The following ZNF773 variants were observed in gnomAD, a reference collection of about 807,000 sequenced individuals.
ZNF773 encodes the protein zinc finger protein 773.
In ZNF773, 11 loss-of-function variants were observed where a neutral mutation model predicts 12.8. The observed-to-expected ratio is 0.86, with a 90% CI of 0.54 to 1.42. The LOEUF is 1.42. Ranked by LOEUF, ZNF773 falls within the 40% of genes most tolerant of loss-of-function variation. The pLI, the probability that ZNF773 is intolerant of heterozygous loss-of-function variation, is 0.00. For missense variants in ZNF773, 518 were observed against 527.2 expected (o/e 0.98, Z 0.17); for synonymous variants, 175 against 178.4 (o/e 0.98, Z 0.15).
downstream of ZNF773, among the ~76,000 whole-genome samples, chr19:57,511,258 A>G (rs1167605807): frequency 6.6e-6 from 1 of 151,920 alleles, no homozygotes; most frequent in African/African-American, 2.4e-5. Context: ...TCACCATGTT[A>G]GCCAAGATGG....
chr19:57,510,429 G>C (rs1462591063), downstream of ZNF773, among the ~76,000 whole-genome samples: 1 of 152,134 alleles, frequency 6.6e-6, no homozygotes. Flanking sequence ...CAGCACATTT[G>C]ATATATATGT....
Position 57,507,096 on chromosome 19 carries a change from G to A in ZNF773, c.1001G>A (p.Ser334Asn). 6.2e-7 allele frequency: 1 copy of A among 1,614,000 alleles called. No homozygotes were observed. The highest frequency in any genetic ancestry group is 8.5e-7 in the Non-Finnish European group (1 of 1,179,994). Residue 334 changes from serine (S) to asparagine (N), a missense_variant, in exon 4 of 4, where the codon AGT becomes AAT. Ser to Asn is a conservative substitution (Grantham distance 46). Transcript: ENST00000282292. ...ACTGGAGAAAGACCTTATAAGTGCA[G>A]TGAATGTGGAAAATTCTATAGCCAC... ...VHTGERPYKC[S>N]ECGKFYSHKS...
downstream of ZNF773, chr19:57,516,705 T>G (rs982098212): frequency 6.6e-6 from 1 of 152,210 alleles, no homozygotes; most frequent in Non-Finnish European, 1.5e-5. Flanking sequence ...TCACCCAAAT[T>G]GTATTGATTG....
rs371801270 is a variant in ZNF773, at chr19:57,506,755, A to G, written c.660A>G (p.Glu220=). The part of the protein sequence containing the change: ...QRLHTGEKPY[E]CSECGKLFSH... ...TGCACACTGGGGAAAAGCCTTATGA[A>G]TGCAGTGAATGTGGGAAGTTATTTA... The change falls in exon 4 of 4, where the codon GAA becomes GAG. Residue 220 remains glutamate, a synonymous_variant. Transcript: ENST00000282292. The G allele has an allele frequency of 3.1e-6, 5 of 1,614,096 alleles. No homozygotes were observed. The African/African-American group carries it at 5.3e-5, about 17-fold the overall frequency.
chr19:57,514,617 C>CT (rs2089820610), downstream of ZNF773: 1 of 152,192 alleles, frequency 6.6e-6, no homozygotes, highest in African/African-American at 2.4e-5. Context: ...ATTAGAATGG[C>CT]TTTTTTATCC....
intron 3 of ZNF773, among the ~76,000 whole-genome samples, chr19:57,505,863 C>A (rs1445456028): frequency 6.6e-6 from 1 of 152,032 alleles, no homozygotes; most frequent in East Asian, 1.9e-4. Flanking sequence ...GCGCCCGCCA[C>A]CATGCCTGGC....
At chr19:57,514,204 C>CA, downstream of ZNF773, 1 of 152,314 alleles carries the variant, frequency 6.6e-6, no homozygotes, top group African/African-American at 2.4e-5. Context: ...CTCAAAATAG[C>CA]TCCTGAAAAG....
downstream of ZNF773, chr19:57,517,215 C>T (rs1396696757): frequency 2.0e-5 from 3 of 152,184 alleles, no homozygotes; most frequent in Non-Finnish European, 4.4e-5. Flanking sequence ...AATGCCCAAT[C>T]GATTTGTGAT....
At chr19:57,505,593 A>C (rs559809721) in intron 3 of ZNF773, among the ~76,000 whole-genome samples, 193 bp downstream of exon 3, 19 of 151,102 alleles carry the variant, frequency 1.3e-4, no homozygotes, top group Admixed American at 2.6e-4. Context: ...ACCTCTCTGT[A>C]CTCCATGTTT....
chr19:57,511,149 C>T (rs1600155795), downstream of ZNF773, among the ~76,000 whole-genome samples: 1 of 151,532 alleles, frequency 6.6e-6, no homozygotes, highest in South Asian at 2.1e-4. Context: ...CCCTGGGATT[C>T]ATGCCATTCT....
chr19:57,500,710 G>T (rs7508144), intron 1 of ZNF773, among the ~76,000 whole-genome samples: 31,436 of 152,078 alleles, frequency 0.21, 3,372 homozygotes, highest in African/African-American at 0.25. Context: ...ATTTTTGTTT[G>T]TTCCTGAATA....
downstream of ZNF773, among the ~76,000 whole-genome samples, chr19:57,510,883 T>C (rs1244269404): frequency 6.8e-6 from 1 of 147,844 alleles, no homozygotes; most frequent in African/African-American, 2.5e-5. Flanking sequence ...TGAGATTTAA[T>C]ATTTTTAAGT....
intron 1 of ZNF773, among the ~76,000 whole-genome samples, chr19:57,503,726 T>C (rs7253388): frequency 0.61 from 91,934 of 150,398 alleles, 28,592 homozygotes; most frequent in East Asian, 0.75. Context: ...GGCAAGATCT[T>C]GGCTCACGGC....
chr19:57,500,872 C>G (rs1384447559), intron 1 of ZNF773, among the ~76,000 whole-genome samples: 3 of 152,064 alleles, frequency 2.0e-5, no homozygotes. Flanking sequence ...AGTTTTCTTT[C>G]AGATGGTCCC....
chr19:57,512,022 A>G (rs1356319884), downstream of ZNF773, among the ~76,000 whole-genome samples: 1 of 152,202 alleles, frequency 6.6e-6, no homozygotes, highest in African/African-American at 2.4e-5. Flanking sequence ...GAAGGTTCTG[A>G]CTGAAAGAGT....
chr19:57,501,627 C>T (rs1383993553), intron 1 of ZNF773, among the ~76,000 whole-genome samples: 2 of 152,170 alleles, frequency 1.3e-5, no homozygotes, highest in Admixed American at 6.5e-5. Flanking sequence ...AGAACCAAAG[C>T]CCAGATTGCA....
chr19:57,513,095 G>A (rs777933518), downstream of ZNF773: 25 of 1,500,828 alleles, frequency 1.7e-5, no homozygotes, highest in Non-Finnish European at 2.2e-5. Flanking sequence ...CAGAGAAAGT[G>A]AAACTGACCA....
At chr19:57,500,882 C>G (rs1300784861) in intron 1 of ZNF773, among the ~76,000 whole-genome samples, 1 of 152,004 alleles carries the variant, frequency 6.6e-6, no homozygotes, top group Non-Finnish European at 1.5e-5. Context: ...CAGATGGTCC[C>G]TGAGGTGAGG....
Position 57,500,367 on chromosome 19 carries a change from G to A in ZNF773, c.33+254G>A, listed in dbSNP as rs1415982343. Among the ~76,000 whole-genome samples, 3 of 151,898 alleles carry A rather than the reference G, an allele frequency of 2.0e-5. No homozygotes were observed. In the East Asian group the frequency reaches 5.8e-4, roughly 29 times the overall value. The stretch of plus-strand genomic sequence containing the variant: ...GGAAGGGACGAGGCGCGTGTCGAGC[G>A]ACAGCCCGAGCAGCTGCGCTTTCAT... On this transcript the variant is annotated intron_variant, in intron 1 of 3. Coordinates refer to ENST00000282292, the MANE Select transcript of ZNF773 (RefSeq NM_198542.3).
Sources: allele counts gnomAD v4.1 joint callset (sites outside exome capture counted in the v4.1 genomes callset), GRCh38; gene constraint gnomAD v4.1.1; transcripts MANE v1.5; gene names NCBI Gene and HGNC (gene_info 2026-07-23, HGNC 2026-07-21).